The following TPTE2 variants were observed in gnomAD, a reference collection of about 807,000 sequenced individuals.
TPTE2 encodes transmembrane phosphoinositide 3-phosphatase and tensin homolog 2, also known as phosphatidylinositol 3,4,5-trisphosphate 3-phosphatase TPTE2.
In TPTE2, 53 loss-of-function variants were observed where a neutral mutation model predicts 78.6. The observed-to-expected ratio is 0.67, with a 90% CI of 0.54 to 0.85. The LOEUF (loss-of-function observed/expected upper bound fraction) is 0.85, where lower values mean the gene tolerates loss of function less well. Among genes scored for constraint, TPTE2 ranks in the 40% least tolerant of loss-of-function variants. The probability of loss-of-function intolerance (pLI) is 0.00; values close to 1 mark genes in which losing one functional copy is unlikely to be tolerated. For synonymous variants in TPTE2, 175 were observed against 206.2 expected, an observed-to-expected ratio of 0.85 and a Z score of 1.30; for missense variants, 461 against 623.0, an observed-to-expected ratio of 0.74 and a Z score of 2.77.
At chr13:19,532,692 T>C (rs1295685486) in intron 1 of TPTE2, among the ~76,000 whole-genome samples, 1 of 152,212 alleles carries the variant, frequency 6.6e-6, no homozygotes, top group Non-Finnish European at 1.5e-5. Context: ...CTGTAGCCTG[T>C]CTCTTTCCTA....
chr13:19,498,081 G>A (rs1346643282), intron 1 of TPTE2, among the ~76,000 whole-genome samples: 9 of 151,460 alleles, frequency 5.9e-5, no homozygotes, highest in Non-Finnish European at 1.2e-4. Context: ...GAAATGAAGC[G>A]AGAAGGGAAG....
upstream of TPTE2, among the ~76,000 whole-genome samples, chr13:19,538,258 T>TCACC (rs1871319614): frequency 6.6e-6 from 1 of 152,188 alleles, no homozygotes. Context: ...TCTCACTCTG[T>TCACC]CACCCAGGCT....
intron 1 of TPTE2, among the ~76,000 whole-genome samples, chr13:19,519,903 A>G (rs1870045957): frequency 6.6e-6 from 1 of 152,162 alleles, no homozygotes; most frequent in Non-Finnish European, 1.5e-5. Flanking sequence ...CTTCCATTCA[A>G]TAAATACAGA....
At chr13:19,455,595 C>T (rs1254906237) in intron 10 of TPTE2, among the ~76,000 whole-genome samples, 2 of 133,430 alleles carry the variant, frequency 1.5e-5, no homozygotes, top group Non-Finnish European at 3.2e-5. Context: ...TAATTGTAGA[C>T]CAGCTGATAA....
At chr13:19,528,605 C>T (rs1425383193) in intron 1 of TPTE2, among the ~76,000 whole-genome samples, 1 of 152,142 alleles carries the variant, frequency 6.6e-6, no homozygotes, top group Admixed American at 6.6e-5. Flanking sequence ...CCACTTTACT[C>T]CCGTAGTAAG....
chr13:19,508,602 T>C (rs574918440), intron 1 of TPTE2, among the ~76,000 whole-genome samples: 1 of 152,160 alleles, frequency 6.6e-6, no homozygotes, highest in South Asian at 2.1e-4. Flanking sequence ...GAAGGTTAGA[T>C]TGAGAAAATT....
chr13:19,484,509 T>C (rs1268965396), intron 3 of TPTE2, among the ~76,000 whole-genome samples: 1 of 152,200 alleles, frequency 6.6e-6, no homozygotes, highest in Non-Finnish European at 1.5e-5. Flanking sequence ...TTAAGTCTGA[T>C]GTTTCTTTGT....
At chr13:19,431,249 T>G (rs957241919) in intron 16 of TPTE2, among the ~76,000 whole-genome samples, 21 of 152,286 alleles carry the variant, frequency 1.4e-4, no homozygotes, top group East Asian at 7.7e-4. Flanking sequence ...ATAAATACTG[T>G]CATTTAACTA....
At chr13:19,438,930 A>T (rs1002788457) in intron 13 of TPTE2, among the ~76,000 whole-genome samples, 1 of 152,116 alleles carries the variant, frequency 6.6e-6, no homozygotes, top group African/African-American at 2.4e-5. Context: ...TCACCTTTCC[A>T]CTGGAGATCC....
At chr13:19,463,500 G>T (rs1879069138) in intron 10 of TPTE2, among the ~76,000 whole-genome samples, 2 of 151,908 alleles carry the variant, frequency 1.3e-5, no homozygotes, top group Non-Finnish European at 2.9e-5. Context: ...TTAAATTTAG[G>T]GTCTGTTAAT....
intron 1 of TPTE2, among the ~76,000 whole-genome samples, chr13:19,530,575 C>T (rs972816334): frequency 1.3e-5 from 2 of 152,064 alleles, no homozygotes; most frequent in African/African-American, 4.8e-5. Context: ...GGCAGGGTCT[C>T]ACTCTGTTGT....
At chr13:19,561,019 C>G in the TPTE2 span, 1 of 1,576,128 alleles carries the variant, frequency 6.3e-7, no homozygotes, top group Admixed American at 1.8e-5. Context: ...CCCCACAGAC[C>G]AGGCAGAGGC....
At chr13:19,426,425 C>T (rs765834545) in exon 18 of TPTE2, 48 of 1,596,316 alleles carry the variant, frequency 3.0e-5, no homozygotes, top group East Asian at 2.2e-4. Flanking sequence ...GATTACTCAC[C>T]GAAGAGAAAA....
the TPTE2 span, among the ~76,000 whole-genome samples, chr13:19,547,720 C>CATACATACAT: frequency 8.4e-6 from 1 of 118,848 alleles, no homozygotes; most frequent in African/African-American, 2.7e-5. Context: ...AATAAATATA[C>CATACATACAT]ATATATATAT....
intron 10 of TPTE2, among the ~76,000 whole-genome samples, chr13:19,452,852 G>A (rs2137534770): frequency 6.6e-6 from 1 of 152,112 alleles, no homozygotes; most frequent in South Asian, 2.1e-4. Flanking sequence ...TTGCTGTATT[G>A]TTGATTATAG....
At chr13:19,545,617 A>G in the TPTE2 span, among the ~76,000 whole-genome samples, 3 of 152,176 alleles carry the variant, frequency 2.0e-5, no homozygotes, top group Non-Finnish European at 2.9e-5. Flanking sequence ...TCAGTGAGAA[A>G]AATTATAAAT....
chr13:19,453,924 G>A (rs1414700999), intron 10 of TPTE2, among the ~76,000 whole-genome samples: 2 of 152,154 alleles, frequency 1.3e-5, no homozygotes, highest in Non-Finnish European at 2.9e-5. Context: ...AAAAAATGCT[G>A]TCTCCTCTTA....
intron 1 of TPTE2, among the ~76,000 whole-genome samples, chr13:19,517,110 C>T (rs1869841562): frequency 6.6e-6 from 1 of 152,154 alleles, no homozygotes; most frequent in Non-Finnish European, 1.5e-5. Context: ...AGCCCTGGAC[C>T]TGCTTACCTA....
rs1258061940 is a variant in TPTE2, at chr13:19,486,390, G to A, written c.120-3843C>T. On this transcript the variant is annotated intron_variant, in intron 3 of 19. Transcript: ENST00000400230. The surrounding 1 kb of genome is among the most constrained non-coding windows in gnomAD (Gnocchi z 4.3). ...CACTGGGCTGTTTCTCAGGGTAGGG[G>A]TGTGTGCAGGCATACACTGGGTCAG... Among the ~76,000 whole-genome samples, 1 of 152,174 alleles carries A rather than the reference G, an allele frequency of 6.6e-6. No individual in the cohort carries two copies. The highest frequency in any genetic ancestry group is 1.5e-5 in the Non-Finnish European group (1 of 68,030).
Sources: gnomAD v4.1 joint callset for allele counts (sites outside exome capture counted in the v4.1 genomes callset) on GRCh38, gnomAD v4.1.1 for gene constraint, Gnocchi (gnomAD v3.1) non-coding constraint, MANE v1.5 for transcripts, NCBI Gene and HGNC (gene_info 2026-07-23, HGNC 2026-07-21) for gene names.